Variants in SDC2 observed in about 807,000 individuals in gnomAD.
The protein encoded by SDC2 is syndecan 2.
In SDC2, 13 loss-of-function variants were observed where a neutral mutation model predicts 22.2. The observed-to-expected ratio is 0.59, with a 90% CI of 0.38 to 0.93. The LOEUF is 0.93. Ranked by LOEUF, SDC2 falls within the 40% of genes least tolerant of loss-of-function variation. SDC2 has a pLI of 0.00. For missense variants in SDC2, 235 were observed against 246.8 expected (o/e 0.95, Z 0.32); for synonymous variants, 94 against 92.8 (o/e 1.01, Z -0.07).
chr8:96,599,644 C>A (rs1814943398), intron 2 of SDC2, among the ~76,000 whole-genome samples: 1 of 152,028 alleles, frequency 6.6e-6, no homozygotes, highest in South Asian at 2.1e-4. Context: ...ATTATTAGCC[C>A]CATTTTACAA....
chr8:96,605,992 T>A (rs994546714), intron 3 of SDC2, among the ~76,000 whole-genome samples: 2 of 152,204 alleles, frequency 1.3e-5, no homozygotes, highest in African/African-American at 4.8e-5. Flanking sequence ...CCATTTTGGA[T>A]GAACTCTAGC....
At chr8:96,581,458 C>A (rs866689495) in intron 1 of SDC2, among the ~76,000 whole-genome samples, 1 of 151,948 alleles carries the variant, frequency 6.6e-6, no homozygotes. Flanking sequence ...GGTGAAACCC[C>A]GTCTCTACTA....
chr8:96,555,455 T>G (rs1477919917), intron 1 of SDC2, among the ~76,000 whole-genome samples: 1 of 152,196 alleles, frequency 6.6e-6, no homozygotes, highest in African/African-American at 2.4e-5. Flanking sequence ...TGTTGTCTTC[T>G]CTGTTTCTCT....
intron 1 of SDC2, among the ~76,000 whole-genome samples, chr8:96,577,845 C>T (rs1814529831): frequency 6.6e-6 from 1 of 152,188 alleles, no homozygotes; most frequent in South Asian, 2.1e-4. Context: ...TATGGAGCCT[C>T]TTCAGATTGG....
At chr8:96,597,892 A>T (rs1037644767) in intron 2 of SDC2, among the ~76,000 whole-genome samples, 1 of 152,254 alleles carries the variant, frequency 6.6e-6, no homozygotes, top group Non-Finnish European at 1.5e-5. Context: ...AATTGTATTT[A>T]TTCCTTCTGT....
intron 1 of SDC2, among the ~76,000 whole-genome samples, chr8:96,585,173 G>A (rs576804813): frequency 6.6e-6 from 1 of 152,308 alleles, no homozygotes; most frequent in East Asian, 1.9e-4. Flanking sequence ...AAAACGTATT[G>A]ATGGGATTTT....
At chr8:96,533,935 A>C (rs1275859094) in intron 1 of SDC2, among the ~76,000 whole-genome samples, 3 of 152,136 alleles carry the variant, frequency 2.0e-5, no homozygotes, top group Non-Finnish European at 2.9e-5. Context: ...GGCGGGCTGC[A>C]GGTCCTGAGC....
chr8:96,532,412 GTTTTTTTTTTTTTT>G (rs35452131), intron 1 of SDC2, among the ~76,000 whole-genome samples: 1 of 47,946 alleles, frequency 2.1e-5, no homozygotes, highest in Non-Finnish European at 3.4e-5. Context: ...TTATTGAGGC[GTTTTTTTTTTTTTT>G]TTTTTTTTTG....
chr8:96,565,988 C>T (rs1000073990), intron 1 of SDC2, among the ~76,000 whole-genome samples: 20 of 151,944 alleles, frequency 1.3e-4, no homozygotes, highest in Non-Finnish European at 2.4e-4. Context: ...CTGTACACCA[C>T]GTACCAGCTG....
rs1025531862 is a variant in SDC2 at position 96,610,242 on chromosome 8, A to G, written c.*694A>G. 6.6e-6 allele frequency: 1 copy of G among 152,602 alleles called. No homozygotes were observed. 9.5% of individuals were successfully genotyped at this position (152,602 alleles called of 1,614,324 possible). A position where few individuals can be genotyped will look rare whatever the true frequency, so the allele number is the denominator to read the frequency against. On this transcript the variant is annotated 3_prime_UTR_variant, in exon 5 of 5. Coordinates refer to ENST00000302190, the MANE Select transcript of SDC2 (RefSeq NM_002998.4). ...CGTTTAGTCATATCTATCTAATCAG[A>G]TCTTCTTTTGGGAGGATTTGATGTA...
In SDC2 at chr8:96,553,469, T is replaced by G. The variant is rs566279901; in HGVS notation, c.61-40011T>G. Among the ~76,000 whole-genome samples, 535 of 151,312 alleles carry G rather than the reference T, an allele frequency of 3.5e-3. 2 individuals are homozygous for G. The highest frequency in any genetic ancestry group is 5.9e-3 in the Non-Finnish European group (401 of 67,816). The stretch of plus-strand genomic sequence containing the variant: ...TTACAGGTTTTTTTTTTTTTTCTTT[T>G]AAGTCCACAACTAAGTTTGATTGCT... On this transcript the variant is annotated intron_variant, in intron 1 of 4. Transcript: ENST00000302190.
chr8:96,564,190 A>G lies in SDC2; in HGVS notation c.61-29290A>G, dbSNP rs144833081. Among the ~76,000 whole-genome samples the G allele has an allele frequency of 8.9e-3, 1,348 of 152,302 alleles. 26 individuals carry two copies. Among genetic ancestry groups the G allele is most frequent in the African/African-American group, 0.026 (1,086 of 41,556 alleles). ...TTAAATTTGGGAATTAAAAAAATGT[A>G]GGAATCATTCCTTTGTCTCATTCAC... On this transcript the variant is annotated intron_variant, in intron 1 of 4. Coordinates refer to ENST00000302190, the MANE Select transcript of SDC2 (RefSeq NM_002998.4).
At chr8:96,598,928 A>G (rs1325452531) in intron 2 of SDC2, among the ~76,000 whole-genome samples, 3 of 148,680 alleles carry the variant, frequency 2.0e-5, no homozygotes, top group Admixed American at 6.8e-5. Flanking sequence ...CAGATTGCCC[A>G]TCTGTCTCTA....
chr8:96,564,444 C>T (rs868443014), intron 1 of SDC2, among the ~76,000 whole-genome samples: 3 of 152,046 alleles, frequency 2.0e-5, no homozygotes, highest in East Asian at 1.9e-4. Flanking sequence ...GATTTTTTAC[C>T]GCATAGATTT....
chr8:96,494,130 C>T lies in SDC2; in HGVS notation c.-142C>T. On this transcript the variant is annotated 5_prime_UTR_variant, in exon 1 of 5. Transcript: ENST00000302190. ...GAAGCGAGCGCCCCCGAGCCCCGAG[C>T]CCGAGTCCCCGAGCCTGAGCCGCAA... The T allele has an allele frequency of 3.7e-6, 3 of 800,030 alleles. No individual in the cohort carries two copies. Among genetic ancestry groups the T allele is most frequent in the South Asian group, 1.8e-5 (1 of 55,450 alleles). The allele number at this position is 800,030 out of a possible 1,614,324, so 49.6% of individuals were successfully genotyped here. A position where few individuals can be genotyped will look rare whatever the true frequency, so the allele number is the denominator to read the frequency against.
At chr8:96,500,683 AGTGGAAATGCATT>A (rs1813148075) in intron 1 of SDC2, among the ~76,000 whole-genome samples, 1 of 146,702 alleles carries the variant, frequency 6.8e-6, no homozygotes, top group Non-Finnish European at 1.5e-5. Context: ...AAAAAAAAAG[AGTGGAAATGCATT>A]AAATTTCTTC....
chr8:96,512,851 GTTTTAAATTA>G (rs1813348423), intron 1 of SDC2, among the ~76,000 whole-genome samples: 2 of 152,110 alleles, frequency 1.3e-5, no homozygotes, highest in Non-Finnish European at 2.9e-5. Flanking sequence ...TTTTAAGAAT[GTTTTAAATTA>G]TTTAATCTTT....
At chr8:96,565,701 T>G (rs980536598) in intron 1 of SDC2, among the ~76,000 whole-genome samples, 1 of 152,068 alleles carries the variant, frequency 6.6e-6, no homozygotes, top group African/African-American at 2.4e-5. Context: ...ACACATAGTT[T>G]GGGAAAGACT....
At chr8:96,590,573 C>G (rs1420643313) in intron 1 of SDC2, among the ~76,000 whole-genome samples, 1 of 152,152 alleles carries the variant, frequency 6.6e-6, no homozygotes, top group Non-Finnish European at 1.5e-5. Flanking sequence ...TTCCAGAAAC[C>G]TTTCAGAACA....
Sources: gnomAD v4.1 joint callset for allele counts (sites outside exome capture counted in the v4.1 genomes callset) on GRCh38, gnomAD v4.1.1 for gene constraint, MANE v1.5 for transcripts, NCBI Gene and HGNC (gene_info 2026-07-23, HGNC 2026-07-21) for gene names.